DTNBP1: variants seen among roughly 807,000 people sequenced by gnomAD.
DTNBP1 encodes the protein dystrobrevin binding protein 1.
Under a neutral mutation model 42.8 loss-of-function variants are expected in DTNBP1, and 35 were observed. That is an observed-to-expected ratio of 0.82 (90% CI 0.63 to 1.09). DTNBP1 has a LOEUF of 1.09. Ranked by LOEUF, DTNBP1 falls within the 50% of genes least tolerant of loss-of-function variation. The pLI, the probability that DTNBP1 is intolerant of heterozygous loss-of-function variation, is 0.00. For synonymous variants in DTNBP1, 171 were observed against 162.2 expected, an observed-to-expected ratio of 1.05 and a Z score of -0.41; for missense variants, 457 against 424.2, an observed-to-expected ratio of 1.08 and a Z score of -0.68.
intron 5 of DTNBP1, among the ~76,000 whole-genome samples, chr6:15,617,622 G>C (rs1455377056): frequency 6.6e-6 from 1 of 151,676 alleles, no homozygotes; most frequent in Non-Finnish European, 1.5e-5. Context: ...CATTCATTGG[G>C]AAATACATGG....
chr6:15,533,032 A>G (rs764441998), intron 8 of DTNBP1, among the ~76,000 whole-genome samples: 1 of 152,148 alleles, frequency 6.6e-6, no homozygotes, highest in Non-Finnish European at 1.5e-5. Flanking sequence ...TAAAAAAAAT[A>G]TATCTTCAAC....
chr6:15,608,211 C>CT (rs1758185096), intron 6 of DTNBP1, among the ~76,000 whole-genome samples: 1 of 151,890 alleles, frequency 6.6e-6, no homozygotes, highest in African/African-American at 2.4e-5. Flanking sequence ...TATTATTTCT[C>CT]TTTTTTAAAA....
intron 4 of DTNBP1, among the ~76,000 whole-genome samples, chr6:15,635,214 G>A (rs535440217): frequency 9.9e-5 from 15 of 152,204 alleles, no homozygotes; most frequent in African/African-American, 3.6e-4. Context: ...TGCCTCCCAG[G>A]TTCAAGCGAT....
chr6:15,591,823 T>C (rs1028601112), intron 7 of DTNBP1, among the ~76,000 whole-genome samples: 1 of 152,202 alleles, frequency 6.6e-6, no homozygotes, highest in African/African-American at 2.4e-5. Context: ...TATAAGAAGA[T>C]ACTAAACTAG....
intron 1 of DTNBP1, among the ~76,000 whole-genome samples, chr6:15,659,554 TC>T (rs67929640): frequency 0.3 from 31,143 of 103,904 alleles, 3,855 homozygotes; most frequent in East Asian, 0.43. Context: ...GGGGTTTCTT[TC>T]TTTTTTTTTT....
chr6:15,636,316 A>G (rs1760021306), intron 4 of DTNBP1, among the ~76,000 whole-genome samples: 1 of 151,906 alleles, frequency 6.6e-6, no homozygotes, highest in African/African-American at 2.4e-5. Flanking sequence ...ACGCCCAGCT[A>G]ATTTTTGTAT....
chr6:15,584,705 C>CTT (rs147548247), intron 7 of DTNBP1, among the ~76,000 whole-genome samples: 44 of 86,420 alleles, frequency 5.1e-4, no homozygotes, highest in South Asian at 8.1e-4. Context: ...ACATGTATTT[C>CTT]TTTTTTTTTT....
Position 15,655,129 on chromosome 6 carries a change from A to AT in DTNBP1, c.57-2990dup, listed in dbSNP as rs974798307. On this transcript the variant is annotated intron_variant, in intron 1 of 9. Coordinates refer to ENST00000344537, the MANE Select transcript of DTNBP1 (RefSeq NM_032122.5). ...TGTGTTTGAGACTTTGTAAAATACA[A>AT]TTTTTTTTTTGAGACAGGGTCTTGC... Among the ~76,000 whole-genome samples, 38 of 150,062 alleles carry AT rather than the reference A, an allele frequency of 2.5e-4. No individual in the cohort carries two copies. The East Asian group carries it at 3.3e-3, about 13-fold the overall frequency.
At chr6:15,567,138 T>C (rs573862134) in intron 7 of DTNBP1, among the ~76,000 whole-genome samples, 2 of 152,124 alleles carry the variant, frequency 1.3e-5, no homozygotes, top group East Asian at 3.9e-4. Flanking sequence ...CACCTATGAG[T>C]CTTCATCTAA....
At chr6:15,584,797 TA>T (rs776136340) in intron 7 of DTNBP1, among the ~76,000 whole-genome samples, 2 of 138,076 alleles carry the variant, frequency 1.4e-5, no homozygotes, top group South Asian at 4.7e-4. Context: ...GTATGCCAAC[TA>T]AAAGAAATAA....
At chr6:15,620,415 T>A (rs962265269) in intron 5 of DTNBP1, among the ~76,000 whole-genome samples, 6 of 152,162 alleles carry the variant, frequency 3.9e-5, no homozygotes, top group African/African-American at 1.4e-4. Flanking sequence ...CTTGAACTCC[T>A]GGGCTTGAGC....
chr6:15,564,601 T>C (rs1344915345), intron 7 of DTNBP1, among the ~76,000 whole-genome samples: 2 of 151,968 alleles, frequency 1.3e-5, no homozygotes, highest in African/African-American at 4.8e-5. Context: ...AGAGACAGGG[T>C]TTTACCATGT....
chr6:15,661,499 AAT>A (rs1209231169), intron 1 of DTNBP1, among the ~76,000 whole-genome samples: 1 of 152,198 alleles, frequency 6.6e-6, no homozygotes, highest in African/African-American at 2.4e-5. Flanking sequence ...TCTACTAAAA[AAT>A]ACAAAAATAA....
intron 8 of DTNBP1, among the ~76,000 whole-genome samples, chr6:15,525,402 T>C (rs988317585): frequency 6.6e-6 from 1 of 152,234 alleles, no homozygotes; most frequent in Admixed American, 6.5e-5. Context: ...ATGCAAATTA[T>C]TTCTGGAAGG....
intron 7 of DTNBP1, among the ~76,000 whole-genome samples, chr6:15,535,994 G>A (rs1386149269): frequency 6.6e-6 from 1 of 152,198 alleles, no homozygotes; most frequent in Non-Finnish European, 1.5e-5. Flanking sequence ...GAACTTGAGA[G>A]CAATGATTAA....
At chr6:15,617,099 C>T (rs1468291176) in intron 5 of DTNBP1, among the ~76,000 whole-genome samples, 1 of 152,108 alleles carries the variant, frequency 6.6e-6, no homozygotes, top group East Asian at 1.9e-4. Context: ...TGGTGGCTCA[C>T]ACCTGTAATC....
intron 6 of DTNBP1, among the ~76,000 whole-genome samples, chr6:15,603,212 C>A (rs1041781626): frequency 6.6e-6 from 1 of 152,170 alleles, no homozygotes; most frequent in Admixed American, 6.5e-5. Context: ...ATGAAGCCAA[C>A]AAATTCATAG....
At chr6:15,604,639 CAT>C (rs1252518558) in intron 6 of DTNBP1, among the ~76,000 whole-genome samples, 1 of 152,126 alleles carries the variant, frequency 6.6e-6, no homozygotes, top group Non-Finnish European at 1.5e-5. Flanking sequence ...GTCTCTAGAA[CAT>C]ACACTGGTCA....
chr6:15,613,323 A>T lies in DTNBP1; in HGVS notation c.488+1944T>A, dbSNP rs200212427. 1.9e-5 allele frequency among the ~76,000 whole-genome samples: 2 copies of T among 103,966 alleles called. 1 individual carries two copies. The highest frequency in any genetic ancestry group is 3.6e-5 in the Non-Finnish European group (2 of 55,748). 68.2% of individuals were successfully genotyped at this position (103,966 alleles called of 152,430 possible). On this transcript the variant is annotated intron_variant, in intron 6 of 9. Transcript: ENST00000344537. ...CATCTCAAAAAAAAAAAAAAAAAAA[A>T]AAAAAAAAATGCCCCTTTTTTGACA...
Sources: gnomAD v4.1 joint callset for allele counts (sites outside exome capture counted in the v4.1 genomes callset) on GRCh38, gnomAD v4.1.1 for gene constraint, MANE v1.5 for transcripts, NCBI Gene and HGNC (gene_info 2026-07-23, HGNC 2026-07-21) for gene names.